The following ZNF407 variants were observed in gnomAD, a reference collection of about 807,000 sequenced individuals.
The protein encoded by ZNF407 is zinc finger protein 407.
ZNF407 carries 17 observed loss-of-function variants against 131.2 expected under a neutral mutation model. The ratio of observed to expected loss-of-function variants is 0.13; its 90% CI spans 0.09 to 0.19. ZNF407 has a LOEUF of 0.19. Ranked by LOEUF, ZNF407 falls within the 10% of genes least tolerant of loss-of-function variation. The pLI, the probability that ZNF407 is intolerant of heterozygous loss-of-function variation, is 1.00. For missense variants in ZNF407, 2,681 were observed against 2,830.6 expected (o/e 0.95, Z 1.20); for synonymous variants, 1,156 against 1,062.0 (o/e 1.09, Z -1.72).
chr18:74,620,885 G>A (rs1983482895), intron 1 of ZNF407, among the ~76,000 whole-genome samples: 3 of 152,120 alleles, frequency 2.0e-5, no homozygotes, highest in Admixed American at 6.5e-5. Context: ...TGTAGGTTTG[G>A]GGTTATGGCT....
intron 3 of ZNF407, among the ~76,000 whole-genome samples, chr18:74,720,232 G>A (rs530818267): frequency 3.3e-5 from 5 of 151,884 alleles, no homozygotes; most frequent in African/African-American, 9.7e-5. Flanking sequence ...ATGAGACCTC[G>A]GTGTGGTTTT....
chr18:74,820,327 C>A (rs1035628294), intron 4 of ZNF407, among the ~76,000 whole-genome samples: 1 of 152,144 alleles, frequency 6.6e-6, no homozygotes, highest in Non-Finnish European at 1.5e-5. Context: ...GGTTGGTGAG[C>A]AGCCCTACAG....
intron 3 of ZNF407, among the ~76,000 whole-genome samples, chr18:74,723,867 T>C (rs905606443): frequency 1.4e-5 from 2 of 144,648 alleles, no homozygotes; most frequent in Non-Finnish European, 3.0e-5. Flanking sequence ...AGCTTTTGTT[T>C]AATTTCCAGG....
intron 8 of ZNF407, among the ~76,000 whole-genome samples, chr18:74,952,196 G>T (rs1435466933): frequency 1.3e-5 from 2 of 152,098 alleles, no homozygotes; most frequent in African/African-American, 2.4e-5. Flanking sequence ...AAAAATAAAA[G>T]GACTAGATAA....
intron 8 of ZNF407, among the ~76,000 whole-genome samples, chr18:74,945,342 T>C (rs1972143200): frequency 6.6e-6 from 1 of 152,190 alleles, no homozygotes; most frequent in African/African-American, 2.4e-5. Context: ...TTTAGGTTGC[T>C]TTTTGTCGGT....
chr18:74,869,410 G>C (rs972692643), intron 4 of ZNF407, among the ~76,000 whole-genome samples: 4 of 152,180 alleles, frequency 2.6e-5, no homozygotes, highest in Non-Finnish European at 2.9e-5. Flanking sequence ...ACAGTTGAAA[G>C]GGGGTAGTTT....
chr18:74,987,303 G>T (rs1467944415), intron 8 of ZNF407, among the ~76,000 whole-genome samples: 1 of 152,090 alleles, frequency 6.6e-6, no homozygotes, highest in Admixed American at 6.5e-5. Context: ...TTTGATAGAC[G>T]ATAACATCAT....
chr18:75,044,015 A>G (rs760603487), intron 8 of ZNF407, among the ~76,000 whole-genome samples: 1 of 152,156 alleles, frequency 6.6e-6, no homozygotes, highest in Non-Finnish European at 1.5e-5. Context: ...TATCTACTAT[A>G]TGTTTCTGTA....
chr18:74,634,188 A>G lies in ZNF407; in HGVS notation c.3169A>G (p.Thr1057Ala). 6.2e-7 allele frequency: 1 copy of G among 1,614,038 alleles called. No homozygotes were observed. The highest frequency in any genetic ancestry group is 8.5e-7 in the Non-Finnish European group (1 of 1,179,902). ...YCMACDYYAV[T>A]RREMTRHAAT... ...CATGGCATGCGATTACTACGCGGTG[A>G]CTCGTCGCGAGATGACCAGGCATGC... Residue 1057 changes from threonine (T) to alanine (A), a missense_variant, in exon 2 of 9, where the codon ACT becomes GCT. Thr to Ala is a moderately conservative substitution (Grantham distance 58). This residue lies in a region of ZNF407 where 1,789 missense variants were observed against 1,748.7 expected (regional missense o/e 1.02). Transcript: ENST00000299687.
At chr18:74,659,874 G>A (rs1985637298) in intron 3 of ZNF407, among the ~76,000 whole-genome samples, 1 of 152,084 alleles carries the variant, frequency 6.6e-6, no homozygotes, top group Non-Finnish European at 1.5e-5. Context: ...TGTGCATTTG[G>A]TAGTATACAG....
At chr18:74,789,930 G>C (rs1568216836) in intron 4 of ZNF407, among the ~76,000 whole-genome samples, 1 of 148,008 alleles carries the variant, frequency 6.8e-6, no homozygotes, top group Non-Finnish European at 1.5e-5. Flanking sequence ...CACCTCTCCT[G>C]GTTGCCAGTC....
chr18:74,687,662 C>G (rs550566986), intron 3 of ZNF407, among the ~76,000 whole-genome samples: 5 of 152,112 alleles, frequency 3.3e-5, no homozygotes, highest in Non-Finnish European at 5.9e-5. Flanking sequence ...ATCTATATGT[C>G]TTTTCTTAAA....
chr18:74,660,825 G>A (rs1430972295), intron 3 of ZNF407, among the ~76,000 whole-genome samples: 2 of 152,034 alleles, frequency 1.3e-5, no homozygotes, highest in African/African-American at 4.8e-5. Flanking sequence ...ATTTTAATTT[G>A]AAATATTAAA....
intron 3 of ZNF407, among the ~76,000 whole-genome samples, chr18:74,657,847 T>C (rs1304742004): frequency 1.3e-5 from 2 of 151,974 alleles, no homozygotes; most frequent in Non-Finnish European, 2.9e-5. Context: ...TTCCTCCCCA[T>C]CCTCTCCTTC....
intron 8 of ZNF407, among the ~76,000 whole-genome samples, chr18:74,969,657 G>A (rs565161022): frequency 6.2e-4 from 95 of 152,256 alleles, no homozygotes; most frequent in Middle Eastern, 3.4e-3. Context: ...GGCCACCTTC[G>A]TGTCACCTGC....
intron 7 of ZNF407, among the ~76,000 whole-genome samples, chr18:74,916,629 AGTGTGTGT>A (rs111309427): frequency 0.015 from 911 of 59,438 alleles, 30 homozygotes; most frequent in African/African-American, 0.068. Flanking sequence ...TCGAATCGGG[AGTGTGTGT>A]GTGTGTGTGT....
At chr18:74,704,776 G>C (rs962533959) in intron 3 of ZNF407, among the ~76,000 whole-genome samples, 1 of 152,176 alleles carries the variant, frequency 6.6e-6, no homozygotes, top group African/African-American at 2.4e-5. Flanking sequence ...TGCAATAAGT[G>C]TCTTGGTGTT....
rs781247076 is a variant in ZNF407 at position 74,703,062 on chromosome 18, G to A, written c.4802+61940G>A. Among the ~76,000 whole-genome samples the A allele has an allele frequency of 1.6e-4, 25 of 152,322 alleles. No homozygotes were observed. The highest frequency in any genetic ancestry group is 6.2e-4 in the South Asian group (3 of 4,824). On this transcript the variant is annotated intron_variant, in intron 3 of 8. Coordinates refer to ENST00000299687, the MANE Select transcript of ZNF407 (RefSeq NM_017757.3). This position sits in a 1 kb window ranked among gnomAD's most constrained non-coding sequence, Gnocchi z 4.1. ...CCAGGAGCATAACTTACACATGCCT[G>A]GTCTAGTGGTTGGAGAAACTCCTGA...
chr18:74,674,717 G>T (rs138381244), intron 3 of ZNF407, among the ~76,000 whole-genome samples: 239 of 152,284 alleles, frequency 1.6e-3, no homozygotes, highest in Non-Finnish European at 2.7e-3. Context: ...TTCTGACAAA[G>T]GCCAGATAGC....
Sources: gnomAD v4.1 joint callset for allele counts (sites outside exome capture counted in the v4.1 genomes callset) on GRCh38, gnomAD v4.1.1 for gene constraint, gnomAD v4.1.1 regional missense constraint, Gnocchi (gnomAD v3.1) non-coding constraint, MANE v1.5 for transcripts, NCBI Gene and HGNC (gene_info 2026-07-23, HGNC 2026-07-21) for gene names.